Variants in GUCY1A2 observed in about 807,000 individuals in gnomAD.
GUCY1A2 encodes the protein guanylate cyclase 1 soluble subunit alpha 2.
A neutral mutation model predicts 63.5 loss-of-function variants in GUCY1A2; 27 were observed. That is an observed-to-expected ratio of 0.43 (90% confidence interval 0.31 to 0.59). GUCY1A2 has a LOEUF of 0.59. GUCY1A2 is among the 20% of genes least tolerant of loss of function. GUCY1A2 has a pLI of 0.11. For synonymous variants in GUCY1A2, 364 were observed against 343.5 expected (o/e 1.06, Z -0.66); for missense variants, 768 against 913.3 (o/e 0.84, Z 2.05).
intron 4 of GUCY1A2, among the ~76,000 whole-genome samples, chr11:106,825,772 T>C (rs1279646191): frequency 2.0e-5 from 3 of 152,016 alleles, no homozygotes; most frequent in African/African-American, 7.2e-5. Context: ...TAAAAAAAAA[T>C]TGCAAGAAAA....
At chr11:106,997,831 G>A (rs1861561064) in intron 1 of GUCY1A2, among the ~76,000 whole-genome samples, 1 of 151,928 alleles carries the variant, frequency 6.6e-6, no homozygotes, top group Admixed American at 6.6e-5. Context: ...ATACTTCCTG[G>A]GTGAATCTAA....
intron 4 of GUCY1A2, among the ~76,000 whole-genome samples, chr11:106,842,034 GC>G (rs1379136688): frequency 6.6e-6 from 1 of 151,732 alleles, no homozygotes; most frequent in African/African-American, 2.4e-5. Context: ...GTTGGGTTTG[GC>G]CAATGGTAAA....
intron 5 of GUCY1A2, among the ~76,000 whole-genome samples, chr11:106,786,936 C>G (rs1016927016): frequency 6.6e-6 from 1 of 152,096 alleles, no homozygotes; most frequent in African/African-American, 2.4e-5. Flanking sequence ...TTTACCAGAA[C>G]TTTAAATATA....
intron 6 of GUCY1A2, among the ~76,000 whole-genome samples, chr11:106,751,545 T>C (rs1014287984): frequency 6.6e-6 from 1 of 152,334 alleles, no homozygotes; most frequent in African/African-American, 2.4e-5. Flanking sequence ...TGAATAGTAC[T>C]GTATCACATC....
intron 4 of GUCY1A2, among the ~76,000 whole-genome samples, chr11:106,886,725 C>T (rs536117406): frequency 3.2e-4 from 49 of 152,162 alleles, no homozygotes; most frequent in African/African-American, 9.6e-4. Flanking sequence ...ACACTTTCAA[C>T]GTGGAATACT....
chr11:106,848,358 T>G lies in GUCY1A2; in HGVS notation c.1207-37880A>C, dbSNP rs192200468. On this transcript the variant is annotated intron_variant, in intron 4 of 7. Coordinates refer to ENST00000526355, the MANE Select transcript of GUCY1A2 (RefSeq NM_000855.3). ...TATACAGATATTGCTAAAGATGTACTCCCTTTAAAGTAACAGAAAAATCAT... is the reference window on the plus strand; with the variant it reads ...TATACAGATATTGCTAAAGATGTACGCCCTTTAAAGTAACAGAAAAATCAT... 1.4e-3 allele frequency among the ~76,000 whole-genome samples: 209 copies of G among 151,718 alleles called. 2 individuals carry two copies. Among genetic ancestry groups the G allele is most frequent in the Non-Finnish European group, 2.4e-3 (160 of 67,654 alleles).
At chr11:106,790,473 T>C (rs371389714) in intron 5 of GUCY1A2, among the ~76,000 whole-genome samples, 5 of 152,326 alleles carry the variant, frequency 3.3e-5, no homozygotes, top group South Asian at 2.1e-4. Context: ...GGCCTACTTA[T>C]TGCTCTACCT....
At chr11:106,773,625 C>CTAGCTAT (rs1360809630) in intron 6 of GUCY1A2, among the ~76,000 whole-genome samples, 4 of 152,188 alleles carry the variant, frequency 2.6e-5, no homozygotes, top group African/African-American at 9.7e-5. Context: ...TATACTTCCA[C>CTAGCTAT]TAGCTATGGG....
intron 3 of GUCY1A2, among the ~76,000 whole-genome samples, chr11:106,944,105 C>T (rs752997557): frequency 3.0e-4 from 45 of 149,922 alleles, no homozygotes; most frequent in Non-Finnish European, 5.6e-4. Context: ...GTCCCAGCTA[C>T]TCGGGAGGCT....
chr11:107,012,008 T>C (rs187380822), intron 1 of GUCY1A2, among the ~76,000 whole-genome samples: 249 of 152,294 alleles, frequency 1.6e-3, no homozygotes, highest in Non-Finnish European at 4.6e-4. Flanking sequence ...ATTTTTCTAA[T>C]TTAAAATTAA....
At chr11:106,897,009 G>A (rs1052251096) in intron 4 of GUCY1A2, among the ~76,000 whole-genome samples, 2 of 152,244 alleles carry the variant, frequency 1.3e-5, no homozygotes, top group Non-Finnish European at 2.9e-5. Flanking sequence ...CAAAATTTCA[G>A]TGTATAGGGT....
intron 3 of GUCY1A2, among the ~76,000 whole-genome samples, chr11:106,965,512 G>C (rs1421329543): frequency 6.6e-6 from 1 of 152,182 alleles, no homozygotes; most frequent in Non-Finnish European, 1.5e-5. Context: ...GCTTAAGTAT[G>C]CATTTGATTT....
chr11:106,979,950 G>A (rs1197908168), intron 2 of GUCY1A2, among the ~76,000 whole-genome samples: 2 of 152,162 alleles, frequency 1.3e-5, no homozygotes, highest in African/African-American at 4.8e-5. Flanking sequence ...CCTAGAAAAG[G>A]AGAAAAGGGG....
At chr11:106,883,631 A>G (rs1402010541) in intron 4 of GUCY1A2, among the ~76,000 whole-genome samples, 2 of 152,186 alleles carry the variant, frequency 1.3e-5, no homozygotes, top group Non-Finnish European at 2.9e-5. Flanking sequence ...TTTAAATCTA[A>G]TAATAAAATT....
intron 4 of GUCY1A2, among the ~76,000 whole-genome samples, chr11:106,854,258 G>T (rs1315539992): frequency 6.6e-6 from 1 of 152,196 alleles, no homozygotes. Context: ...CCGTGGGAGT[G>T]AAGACACCAG....
intron 4 of GUCY1A2, among the ~76,000 whole-genome samples, chr11:106,899,014 C>A (rs897911897): frequency 6.6e-6 from 1 of 152,044 alleles, no homozygotes; most frequent in Non-Finnish European, 1.5e-5. Flanking sequence ...TAAAACTACT[C>A]GAAAACATGA....
chr11:106,928,246 G>A (rs1241223469), intron 4 of GUCY1A2, among the ~76,000 whole-genome samples: 2 of 152,114 alleles, frequency 1.3e-5, no homozygotes, highest in Admixed American at 1.3e-4. Context: ...GGCCAAAAAA[G>A]AGTCACTGCT....
chr11:106,834,438 T>G (rs1433749717), intron 4 of GUCY1A2, among the ~76,000 whole-genome samples: 1 of 152,026 alleles, frequency 6.6e-6, no homozygotes, highest in Admixed American at 6.6e-5. Context: ...TAGAGACTAC[T>G]AAACTGGACA....
At chr11:106,986,999 G>GA (rs1225147934) in intron 1 of GUCY1A2, among the ~76,000 whole-genome samples, 5 of 152,118 alleles carry the variant, frequency 3.3e-5, no homozygotes, top group African/African-American at 9.7e-5. Context: ...CCATGAATGG[G>GA]ACACCAAGAT....
Sources: gnomAD v4.1 joint callset for allele counts (sites outside exome capture counted in the v4.1 genomes callset) on GRCh38, gnomAD v4.1.1 for gene constraint, MANE v1.5 for transcripts, NCBI Gene and HGNC (gene_info 2026-07-23, HGNC 2026-07-21) for gene names.